Variants in ARID1B observed in about 807,000 individuals in gnomAD.
The protein encoded by ARID1B is AT-rich interactive domain-containing protein 1B.
Under a neutral mutation model 212.3 loss-of-function variants are expected in ARID1B, and 30 were observed. That is an observed-to-expected ratio of 0.14 (90% CI 0.11 to 0.19). The LOEUF is 0.19. Among genes scored for constraint, ARID1B ranks in the 10% least tolerant of loss-of-function variants. The probability of loss-of-function intolerance (pLI) is 1.00; values close to 1 mark genes in which losing one functional copy is unlikely to be tolerated. For missense variants in ARID1B, 2,891 were observed against 3,204.0 expected (o/e 0.90, Z 2.36); for synonymous variants, 1,402 against 1,301.7 (o/e 1.08, Z -1.66).
rs905913187 is a variant in ARID1B, at chr6:156,869,038, A to T, written c.1987-32338A>T. On this transcript the variant is annotated intron_variant, in intron 2 of 19. Coordinates refer to ENST00000636930, the MANE Select transcript of ARID1B (RefSeq NM_001374828.1). ...GTAAAACATTTCTGATTTAAAAAAAAATGAATTTGTTTTTTTTGCCTCTAA... is the reference window on the plus strand; with the variant it reads ...GTAAAACATTTCTGATTTAAAAAAATATGAATTTGTTTTTTTTGCCTCTAA... Among the ~76,000 whole-genome samples the T allele has an allele frequency of 7.9e-5, 12 of 152,306 alleles. No individual in the cohort carries two copies. The East Asian group carries it at 2.3e-3, about 29-fold the overall frequency.
intron 5 of ARID1B, 41 bp downstream of exon 5, chr6:157,084,946 A>C: frequency 3.8e-6 from 6 of 1,561,716 alleles, no homozygotes; most frequent in Non-Finnish European, 4.3e-6. Flanking sequence ...CTTTGTGATA[A>C]AGAGAGATTT....
intron 4 of ARID1B, among the ~76,000 whole-genome samples, chr6:157,044,573 T>G (rs1428240709): frequency 6.6e-6 from 1 of 152,220 alleles, no homozygotes; most frequent in Non-Finnish European, 1.5e-5. Flanking sequence ...TAGCTTCCTT[T>G]TCTGATCCAT....
At chr6:157,121,110 C>A (rs977375339) in intron 6 of ARID1B, among the ~76,000 whole-genome samples, 4 of 152,174 alleles carry the variant, frequency 2.6e-5, no homozygotes, top group Non-Finnish European at 4.4e-5. Flanking sequence ...AAACAAGATC[C>A]ATGTTAAAAT....
rs1476274042 is a variant in ARID1B at position 156,976,756 on chromosome 6, T to A, written c.2247+41180T>A. The A allele has an allele frequency of 5.6e-5, 29 of 521,092 alleles. No homozygotes were observed. The Admixed American group carries it at 5.7e-4, about 10-fold the overall frequency. 32.3% of individuals were successfully genotyped at this position (521,092 alleles called of 1,614,324 possible). A position where few individuals can be genotyped will look rare whatever the true frequency, so the allele number is the denominator to read the frequency against. On this transcript the variant is annotated intron_variant, in intron 4 of 19. Transcript: ENST00000636930. ...ACACTCACCGTGAAGGTCCGCAGCT[T>A]CATTCATCAAAGTTAGCGAGACCAC...
intron 7 of ARID1B, among the ~76,000 whole-genome samples, chr6:157,142,696 A>G (rs1334724911): frequency 2.0e-5 from 3 of 152,368 alleles, no homozygotes; most frequent in South Asian, 2.1e-4. Context: ...TAAAAATGGT[A>G]AACATCACTG....
intron 2 of ARID1B, among the ~76,000 whole-genome samples, chr6:156,831,447 G>T (rs1271125688): frequency 2.6e-5 from 4 of 152,262 alleles, no homozygotes; most frequent in Non-Finnish European, 5.9e-5. Context: ...ACGGCAAGCA[G>T]CCGGATCTCC....
At chr6:157,036,847 G>T in intron 4 of ARID1B, 2 of 501,724 alleles carry the variant, frequency 4.0e-6, no homozygotes, top group Non-Finnish European at 7.9e-6. Context: ...TGAAGTCTTG[G>T]CCTCGGAGGA....
At chr6:156,961,639 A>G (rs1794383655) in intron 4 of ARID1B, among the ~76,000 whole-genome samples, 1 of 152,270 alleles carries the variant, frequency 6.6e-6, no homozygotes, top group African/African-American at 2.4e-5. Flanking sequence ...TTTGAAGACT[A>G]GGCCAGAAGG....
intron 1 of ARID1B, among the ~76,000 whole-genome samples, chr6:156,800,521 G>A (rs1780701369): frequency 6.6e-6 from 1 of 152,142 alleles, no homozygotes; most frequent in Non-Finnish European, 1.5e-5. Flanking sequence ...CCCTGGAGGT[G>A]AAGGTTGCAG....
In ARID1B at chr6:157,201,039, G is replaced by T; in HGVS notation, c.4814G>T (p.Gly1605Val). Reference sequence around the variant, plus strand: ...CCCTACCAGAACAGGCAGGGCCCTGGCGGCCCTACACAGGCGCCCCCTTAC... The same window carrying T: ...CCCTACCAGAACAGGCAGGGCCCTGTCGGCCCTACACAGGCGCCCCCTTAC... ...PYPYQNRQGP[G>V]GPTQAPPYPG... is the part of the protein sequence containing the mutation. The change falls in exon 18 of 20, where the codon GGC becomes GTC. Residue 1605 changes from glycine to valine, a missense_variant. By Grantham distance (109) the Gly-to-Val change is moderately radical. Transcript: ENST00000636930. The surrounding 1 kb of genome is among the most constrained non-coding windows in gnomAD (Gnocchi z 5.2). 1 of 1,613,848 alleles carries T rather than the reference G, an allele frequency of 6.2e-7. No homozygotes were observed. The highest frequency in any genetic ancestry group is 8.5e-7 in the Non-Finnish European group (1 of 1,179,804).
rs1349489705 is a variant in ARID1B, at chr6:156,778,414, C to A, written c.734C>A (p.Ala245Asp). 1 of 1,531,540 alleles carries A rather than the reference C, an allele frequency of 6.5e-7. No individual in the cohort carries two copies. The highest frequency in any genetic ancestry group is 2.0e-5 in the Admixed American group (1 of 50,700). The allele number at this position is 1,531,540 out of a possible 1,614,324, so 94.9% of individuals were successfully genotyped here. A position where few individuals can be genotyped will look rare whatever the true frequency, so the allele number is the denominator to read the frequency against. Residue 245 changes from alanine (A) to aspartate (D), a missense_variant, in exon 1 of 20, where the codon GCC becomes GAC. Physicochemically the swap from Ala to Asp is moderately radical, Grantham distance 126 (BLOSUM62 -2). Transcript: ENST00000636930. The stretch of plus-strand genomic sequence containing the variant: ...ATGGAGCAGCCGCAACATGGAGGCG[C>A]CAAGGACAGTGCTGCGGGCGGCCAG... ...PDMEQPQHGG[A>D]KDSAAGGQAD...
intron 4 of ARID1B, among the ~76,000 whole-genome samples, chr6:156,981,261 A>G (rs1040806988): frequency 6.6e-6 from 1 of 152,188 alleles, no homozygotes; most frequent in Non-Finnish European, 1.5e-5. Flanking sequence ...GAAGTAGAGC[A>G]TAGGGGATTA....
At chr6:156,833,723 G>C (rs1023520204) in intron 2 of ARID1B, among the ~76,000 whole-genome samples, 2 of 152,068 alleles carry the variant, frequency 1.3e-5, no homozygotes, top group Non-Finnish European at 2.9e-5. Context: ...TTTTTGTTAA[G>C]GTGATTCATC....
At chr6:157,118,761 C>G (rs1694048196) in intron 6 of ARID1B, among the ~76,000 whole-genome samples, 1 of 152,196 alleles carries the variant, frequency 6.6e-6, no homozygotes, top group African/African-American at 2.4e-5. Flanking sequence ...ATAGGTTCAT[C>G]CCAAAGCTGG....
chr6:156,966,441 T>A (rs1794765322), intron 4 of ARID1B, among the ~76,000 whole-genome samples: 1 of 147,330 alleles, frequency 6.8e-6, no homozygotes, highest in Admixed American at 7.0e-5. Flanking sequence ...TTGCCCAGGC[T>A]GGAGTGCAGT....
intron 4 of ARID1B, chr6:156,938,352 A>G (rs915330053): frequency 6.6e-6 from 1 of 152,222 alleles, no homozygotes; most frequent in Non-Finnish European, 1.5e-5. Context: ...TGGAGAGCCC[A>G]TGAAGCTGTA....
intron 3 of ARID1B, among the ~76,000 whole-genome samples, chr6:156,929,099 T>C (rs1791488346): frequency 6.6e-6 from 1 of 152,204 alleles, no homozygotes; most frequent in South Asian, 2.1e-4. Flanking sequence ...AGTTTTTGTT[T>C]CCTGGTAGGA....
chr6:156,942,077 A>G (rs1792716813), intron 4 of ARID1B: 1 of 152,224 alleles, frequency 6.6e-6, no homozygotes, highest in South Asian at 2.1e-4. Context: ...CATTTAAAAT[A>G]TGGGGGAAAT....
chr6:156,802,946 T>A (rs287884), intron 1 of ARID1B, among the ~76,000 whole-genome samples: 64,819 of 151,906 alleles, frequency 0.43, 14,366 homozygotes, highest in African/African-American at 0.52. Context: ...TGAAAAACAA[T>A]TAAAGCGTGA....
Sources: allele counts gnomAD v4.1 joint callset (sites outside exome capture counted in the v4.1 genomes callset), GRCh38; gene constraint gnomAD v4.1.1; non-coding constraint Gnocchi (gnomAD v3.1); transcripts MANE v1.5; gene names NCBI Gene and HGNC (gene_info 2026-07-23, HGNC 2026-07-21).